KIF7: variants seen among roughly 807,000 people sequenced by gnomAD.
KIF7 encodes the protein kinesin-like protein KIF7.
KIF7 carries 104 observed loss-of-function variants against 135.7 expected under a neutral mutation model. The ratio of observed to expected loss-of-function variants is 0.77; its 90% CI spans 0.65 to 0.90. The LOEUF is 0.90. KIF7 is among the 40% of genes least tolerant of loss of function. The probability of loss-of-function intolerance (pLI) is 0.00; values close to 1 mark genes in which losing one functional copy is unlikely to be tolerated. For synonymous variants in KIF7, 883 were observed against 809.4 expected, an observed-to-expected ratio of 1.09 and a Z score of -1.54; for missense variants, 2,005 against 1,839.1, an observed-to-expected ratio of 1.09 and a Z score of -1.65.
intron 2 of KIF7, among the ~76,000 whole-genome samples, chr15:89,650,569 T>C (rs1964108088): frequency 6.6e-6 from 1 of 152,080 alleles, no homozygotes; most frequent in Non-Finnish European, 1.5e-5. Flanking sequence ...AATTTTTGTA[T>C]TGTTAGTAGA....
At chr15:89,629,948 C>G in intron 16 of KIF7, 1 of 513,500 alleles carries the variant, frequency 1.9e-6, no homozygotes, top group Non-Finnish European at 3.5e-6. Flanking sequence ...AGTAACATCC[C>G]TGGCCTCCAC....
At chr15:89,632,675 G>A (rs910824938) in intron 14 of KIF7, 145 bp downstream of exon 14, 5 of 835,184 alleles carry the variant, frequency 6.0e-6, no homozygotes, top group Admixed American at 2.0e-5. Flanking sequence ...TCACCTGGCA[G>A]GTTTATCACT....
At position 89,648,972 on chromosome 15, in the gene KIF7, A is replaced by C. The variant is rs1176949619; in HGVS notation, c.923+2T>G. The C allele has an allele frequency of 1.3e-6, 2 of 1,533,662 alleles. No homozygotes were observed. The highest frequency in any genetic ancestry group is 2.8e-5 in the African/African-American group (2 of 72,710). On this transcript the variant is annotated splice_donor_variant, in intron 4 of 18. Transcript: ENST00000394412. LOFTEE classifies it high-confidence loss of function. ...CCACATAGGAGCCAGGGGGCAGCTC[A>C]CCGGGTGATCTTGGAGTCGCGGTAG...
downstream of KIF7, chr15:89,625,923 G>A: frequency 1.9e-6 from 3 of 1,556,624 alleles, 1 homozygote; most frequent in South Asian, 3.8e-5. Flanking sequence ...CTTACTATGT[G>A]GGATCTCTTT....
In KIF7 at chr15:89,628,702, C is replaced by T. The variant is rs781336592; in HGVS notation, c.3749G>A (p.Trp1250Ter). Residue 1250 changes from tryptophan to a stop codon, truncating the protein, a stop_gained, in exon 19 of 19, where the codon TGG becomes TAG. Coordinates refer to ENST00000394412, the MANE Select transcript of KIF7 (RefSeq NM_198525.3). LOFTEE classifies it low-confidence loss of function (END_TRUNC). The part of the protein sequence containing the change: ...DELHLAPELL[W>*]LSPLTEGAPR... ...GGCCCCCTCAGTGAGGGGGGACAGC[C>T]AGAGAAGCTCGGGTGCCAGGTGGAG... The T allele has an allele frequency of 6.2e-7, 1 of 1,613,038 alleles. No homozygotes were observed. Among genetic ancestry groups the T allele is most frequent in the East Asian group, 2.2e-5 (1 of 44,842 alleles).
chr15:89,653,798 C>T (rs1448617975), intron 1 of KIF7, among the ~76,000 whole-genome samples: 2 of 151,262 alleles, frequency 1.3e-5, no homozygotes, highest in Non-Finnish European at 1.5e-5. Flanking sequence ...TTTGTAGAGA[C>T]AGTCTGGCTA....
chr15:89,630,624 G>A, intron 15 of KIF7, 131 bp from the exon 16 acceptor site: 3 of 788,884 alleles, frequency 3.8e-6, no homozygotes, highest in Non-Finnish European at 6.4e-6. Context: ...GGCCAAGTCA[G>A]CCCATCGAGA....
chr15:89,644,930 G>A, intron 10 of KIF7, 83 bp downstream of exon 10: 1 of 1,562,442 alleles, frequency 6.4e-7, no homozygotes, highest in Non-Finnish European at 8.7e-7. Flanking sequence ...CCACCTCATT[G>A]TTGAAATCCC....
upstream of KIF7, among the ~76,000 whole-genome samples, chr15:89,657,952 A>G (rs1309949777): frequency 6.6e-6 from 1 of 152,246 alleles, no homozygotes; most frequent in East Asian, 1.9e-4. Flanking sequence ...AATTCAGACA[A>G]TGTGCTAATG....
chr15:89,659,316 T>G (rs1166469030), upstream of KIF7, among the ~76,000 whole-genome samples: 8 of 152,038 alleles, frequency 5.3e-5, no homozygotes, highest in Admixed American at 3.9e-4. Context: ...GAGGATCGCT[T>G]GAGCCCAAGA....
chr15:89,642,761 G>T (rs913515075), intron 10 of KIF7, among the ~76,000 whole-genome samples: 9 of 152,068 alleles, frequency 5.9e-5, no homozygotes, highest in Non-Finnish European at 1.2e-4. Context: ...TAGAGATTGG[G>T]TTTTGCCATG....
In KIF7 at chr15:89,648,480, G is replaced by C. The variant is rs886051536; in HGVS notation, c.1218C>G (p.Gly406=). 28 of 1,045,552 alleles carry C rather than the reference G, an allele frequency of 2.7e-5. No individual in the cohort carries two copies. The South Asian group carries it at 1.1e-3, about 41-fold the overall frequency. The allele number at this position is 1,045,552 out of a possible 1,614,324, so 64.8% of individuals were successfully genotyped here. The change falls in exon 5 of 19, where the codon GGC becomes GGG. Residue 406 remains glycine (G), a synonymous_variant. Transcript: ENST00000394412. ...AGGCCCGGTAGCGCGCGCACTCGGC[G>C]CCCAGGCGCATGGCGGCCGCCGCGG... The part of the protein sequence containing the change: ...TASAAAAMRL[G]AECARYRACT...
At chr15:89,649,693 G>GC in intron 3 of KIF7, 48 bp downstream of exon 3, 3 of 1,529,510 alleles carry the variant, frequency 2.0e-6, no homozygotes, top group East Asian at 2.5e-5. Context: ...AACAGGTGAA[G>GC]CCCCCCTAAG....
At chr15:89,646,773 C>T (rs1964020172) in intron 7 of KIF7, 57 bp downstream of exon 7, 6 of 1,535,454 alleles carry the variant, frequency 3.9e-6, no homozygotes, top group Middle Eastern at 2.2e-4. Context: ...CTTCCCCTGC[C>T]CCGAACTTGA....
At chr15:89,623,024 T>C (rs1963451972), downstream of KIF7, among the ~76,000 whole-genome samples, 1 of 152,264 alleles carries the variant, frequency 6.6e-6, no homozygotes, top group Non-Finnish European at 1.5e-5. Context: ...GAAGGAAGGC[T>C]GTAGGAAAGA....
downstream of KIF7, chr15:89,624,282 A>G (rs376587613): frequency 8.1e-6 from 13 of 1,614,208 alleles, no homozygotes; most frequent in Non-Finnish European, 1.0e-5. Flanking sequence ...AGAAGAGTCC[A>G]TTTAGGAAAT....
rs367833833 is a variant in KIF7, at chr15:89,628,678, G to A, written c.3773C>T (p.Ala1258Val). 6.2e-7 allele frequency: 1 copy of A among 1,612,858 alleles called. No homozygotes were observed. Among genetic ancestry groups the A allele is most frequent in the East Asian group, 2.2e-5 (1 of 44,832 alleles). The change falls in exon 19 of 19, where the codon GCC becomes GTC. Residue 1258 changes from alanine (A) to valine (V), a missense_variant. By Grantham distance (64) the Ala-to-Val change is moderately conservative (BLOSUM62 0). Coordinates refer to ENST00000394412, the MANE Select transcript of KIF7 (RefSeq NM_198525.3). ...CCGCGTCTCCTCCCGGGTGCGGGGG[G>A]CCCCCTCAGTGAGGGGGGACAGCCA... ...LLWLSPLTEG[A>V]PRTREETRDL...
intron 1 of KIF7, among the ~76,000 whole-genome samples, 159 bp from the exon 2 acceptor site, chr15:89,653,113 C>T (rs1964151397): frequency 1.3e-5 from 2 of 152,178 alleles, no homozygotes; most frequent in South Asian, 4.1e-4. Flanking sequence ...ACCTGGTGCT[C>T]AAAAATTGCA....
intron 11 of KIF7, among the ~76,000 whole-genome samples, chr15:89,639,136 C>T (rs893980812): frequency 2.0e-5 from 3 of 151,880 alleles, no homozygotes; most frequent in Admixed American, 6.6e-5. Flanking sequence ...ATACAAAAAT[C>T]AATTCAAGAT....
Sources: allele counts gnomAD v4.1 joint callset (sites outside exome capture counted in the v4.1 genomes callset), GRCh38; gene constraint gnomAD v4.1.1; transcripts MANE v1.5; gene names NCBI Gene and HGNC (gene_info 2026-07-23, HGNC 2026-07-21).